UGT1A3: variants seen among roughly 807,000 people sequenced by gnomAD.
UGT1A3 encodes UDP-glucuronosyltransferase 1A3.
In UGT1A3, 31 loss-of-function variants were observed where a neutral mutation model predicts 41.0. The observed-to-expected ratio is 0.76, with a 90% CI of 0.57 to 1.02. The LOEUF is 1.02. Ranked by LOEUF, UGT1A3 falls within the 50% of genes least tolerant of loss-of-function variation. UGT1A3 has a pLI of 0.00. For missense variants in UGT1A3, 737 were observed against 671.0 expected (o/e 1.10, Z -1.09); for synonymous variants, 262 against 257.6 (o/e 1.02, Z -0.17).
chr2:233,734,229 A>T (rs907561316), intron 1 of UGT1A3, among the ~76,000 whole-genome samples: 6 of 152,114 alleles, frequency 3.9e-5, no homozygotes, highest in African/African-American at 1.2e-4. Context: ...TCAGAGATTC[A>T]ACTTCTTCCT....
chr2:233,754,919 G>C, intron 1 of UGT1A3: 9 of 1,353,338 alleles, frequency 6.7e-6, no homozygotes, highest in Non-Finnish European at 8.9e-6. Context: ...TCTCCAGCGG[G>C]TTTCCCAAGA....
chr2:233,729,262 G>A lies in UGT1A3; in HGVS notation c.136G>A (p.Glu46Lys). 1 of 1,614,138 alleles carries A rather than the reference G, an allele frequency of 6.2e-7. No individual in the cohort carries two copies. The highest frequency in any genetic ancestry group is 8.5e-7 in the Non-Finnish European group (1 of 1,179,934). Residue 46 changes from glutamate to lysine, a missense_variant, in exon 1 of 5, where the codon GAG (glutamate) becomes AAG (lysine). Physicochemically the swap from Glu to Lys is moderately conservative, Grantham distance 56 (BLOSUM62 1). Transcript: ENST00000482026. Reference protein sequence around the residue: ...IDGSHWLSMREVLRELHARGH... With the variant: ...IDGSHWLSMRKVLRELHARGH... Reference sequence around the variant, plus strand: ...TGGCAGCCACTGGCTCAGCATGCGGGAGGTCTTGCGGGAGCTCCATGCCAG... The same window carrying A: ...TGGCAGCCACTGGCTCAGCATGCGGAAGGTCTTGCGGGAGCTCCATGCCAG...
At chr2:233,743,729 T>C (rs767611267) in intron 1 of UGT1A3, 12 of 1,367,246 alleles carry the variant, frequency 8.8e-6, no homozygotes, top group South Asian at 2.3e-5. Flanking sequence ...GTCATAGATA[T>C]CGCGTTTCTT....
At chr2:233,746,142 G>A (rs1693316730) in intron 1 of UGT1A3, among the ~76,000 whole-genome samples, 1 of 151,850 alleles carries the variant, frequency 6.6e-6, no homozygotes, top group Admixed American at 6.5e-5. Flanking sequence ...GCACCTGAGT[G>A]ATAGCATGAT....
chr2:233,754,378 C>A, intron 1 of UGT1A3: 1 of 285,606 alleles, frequency 3.5e-6, no homozygotes, highest in East Asian at 8.9e-5. Flanking sequence ...GATCGAAAGA[C>A]AAACAGAGGT....
At position 233,758,069 on chromosome 2, in the gene UGT1A3, G is replaced by A. The variant is rs148016926; in HGVS notation, c.868-8965G>A. Among the ~76,000 whole-genome samples, 50 of 152,242 alleles carry A rather than the reference G, an allele frequency of 3.3e-4. No individual in the cohort carries two copies. In the East Asian group the frequency reaches 8.9e-3, roughly 27 times the overall value. ...AGGACCATTTCTAACTTGACTTTCT[G>A]GGCCTAGTTCCTAGCATAGTGACTG... On this transcript the variant is annotated intron_variant, in intron 1 of 4. Transcript: ENST00000482026.
At chr2:233,745,561 A>G (rs1490728592) in intron 1 of UGT1A3, among the ~76,000 whole-genome samples, 1 of 151,724 alleles carries the variant, frequency 6.6e-6, no homozygotes, top group Admixed American at 6.6e-5. Context: ...CTAAGTTTAT[A>G]TAGCCTCTAG....
At chr2:233,755,761 TG>T (rs1696013090) in intron 1 of UGT1A3, 1 of 152,946 alleles carries the variant, frequency 6.5e-6, no homozygotes, top group South Asian at 2.1e-4. Flanking sequence ...CATTTGCTTT[TG>T]TTCATCTGGA....
Position 233,765,707 on chromosome 2 carries a change from ATAAT to A in UGT1A3, c.868-1322_868-1319del, listed in dbSNP as rs1196419117. Among the ~76,000 whole-genome samples, 12 of 144,042 alleles carry A rather than the reference ATAAT, an allele frequency of 8.3e-5. No individual in the cohort carries two copies. The East Asian group carries it at 2.3e-3, about 27-fold the overall frequency. 94.5% of individuals were successfully genotyped at this position (144,042 alleles called of 152,430 possible). Reference sequence around the variant, plus strand: ...GAACTTCAAGTAAATAATAATAATAATAATTAATAATAATAATAATAATAAATAA... The same window carrying A: ...GAACTTCAAGTAAATAATAATAATAATAATAATAATAATAATAATAAATAA... On this transcript the variant is annotated intron_variant, in intron 1 of 4. Transcript: ENST00000482026.
Position 233,769,822 on chromosome 2 carries a change from T to A in UGT1A3, c.1307+1383T>A. The A allele has an allele frequency of 2.6e-6, 2 of 764,522 alleles. No homozygotes were observed. The highest frequency in any genetic ancestry group is 1.9e-6 in the Non-Finnish European group (1 of 538,240). The allele number at this position is 764,522 out of a possible 1,614,324, so 47.4% of individuals were successfully genotyped here. On this transcript the variant is annotated intron_variant, in intron 4 of 4. Coordinates refer to ENST00000482026, the MANE Select transcript of UGT1A3 (RefSeq NM_019093.4). The surrounding 1 kb of genome is among the most constrained non-coding windows in gnomAD (Gnocchi z 4.4). ...ATGAGCCGTGATCATGCCACTGCAC[T>A]CCAGCAACCTGGGCAACAGAGTGAG... is the stretch of plus-strand genomic sequence containing the variant.
At chr2:233,742,415 C>A (rs1691970237) in intron 1 of UGT1A3, among the ~76,000 whole-genome samples, 1 of 151,952 alleles carries the variant, frequency 6.6e-6, no homozygotes, top group Non-Finnish European at 1.5e-5. Context: ...TTAGGAACAC[C>A]TTAAGCGGTT....
intron 1 of UGT1A3, among the ~76,000 whole-genome samples, chr2:233,762,016 T>C (rs1483178639): frequency 3.9e-5 from 6 of 152,180 alleles, no homozygotes; most frequent in Non-Finnish European, 2.9e-5. Flanking sequence ...CAATGTGATT[T>C]GTATTTTATT....
At chr2:233,736,600 T>C (rs1190084576) in intron 1 of UGT1A3, among the ~76,000 whole-genome samples, 7 of 152,224 alleles carry the variant, frequency 4.6e-5, no homozygotes, top group Non-Finnish European at 1.0e-4. Flanking sequence ...TTATGCGCTA[T>C]GGTTTTTAGA....
intron 1 of UGT1A3, chr2:233,760,677 A>G (rs555950591): frequency 6.2e-7 from 1 of 1,614,148 alleles, no homozygotes; most frequent in Non-Finnish European, 8.5e-7. Context: ...GTTCCCACTT[A>G]CTGCACAACA....
rs764952775 is a variant in UGT1A3 at position 233,762,693 on chromosome 2, ATCTTT to A, written c.868-4336_868-4332del. Reference sequence around the variant, plus strand: ...CATTTGTTCTGTTTCTTTCTCATTCATCTTTTCTTAAGTATTTTACACGGTTTTTT... The same window carrying A: ...CATTTGTTCTGTTTCTTTCTCATTCATCTTAAGTATTTTACACGGTTTTTT... On this transcript the variant is annotated intron_variant, in intron 1 of 4. Coordinates refer to ENST00000482026, the MANE Select transcript of UGT1A3 (RefSeq NM_019093.4). Among the ~76,000 whole-genome samples, 18 of 148,206 alleles carry A rather than the reference ATCTTT, an allele frequency of 1.2e-4. No homozygotes were observed. In the East Asian group the frequency reaches 2.7e-3, roughly 23 times the overall value.
chr2:233,740,858 A>G (rs1691488527), intron 1 of UGT1A3: 1 of 151,872 alleles, frequency 6.6e-6, no homozygotes, highest in Non-Finnish European at 1.5e-5. Flanking sequence ...CAATTCTAAA[A>G]ATTCTTTAAA....
intron 1 of UGT1A3, among the ~76,000 whole-genome samples, chr2:233,764,010 C>T (rs956490955): frequency 8.5e-5 from 13 of 152,216 alleles, no homozygotes; most frequent in Admixed American, 5.2e-4. Context: ...CACAGATGAC[C>T]CACATGGTGT....
intron 1 of UGT1A3, chr2:233,754,468 G>A: frequency 1.1e-5 from 4 of 357,086 alleles, no homozygotes; most frequent in Non-Finnish European, 1.7e-5. Context: ...TGTTCTGAAA[G>A]TAAAGTTCAC....
At chr2:233,754,910 C>T (rs1695636907) in intron 1 of UGT1A3, 2 of 1,353,942 alleles carry the variant, frequency 1.5e-6, no homozygotes, top group African/African-American at 3.0e-5. Flanking sequence ...CCAAAATATT[C>T]TCCAGCGGGT....
Sources: gnomAD v4.1 joint callset for allele counts (sites outside exome capture counted in the v4.1 genomes callset) on GRCh38, gnomAD v4.1.1 for gene constraint, Gnocchi (gnomAD v3.1) non-coding constraint, MANE v1.5 for transcripts, NCBI Gene and HGNC (gene_info 2026-07-23, HGNC 2026-07-21) for gene names.